Variants in NCOA2 observed in about 807,000 individuals in gnomAD.
NCOA2 encodes nuclear receptor coactivator 2, also known as class E basic helix-loop-helix protein 75.
NCOA2 carries 21 observed loss-of-function variants against 145.1 expected under a neutral mutation model. The ratio of observed to expected loss-of-function variants is 0.14; its 90% CI spans 0.10 to 0.21. The LOEUF (loss-of-function observed/expected upper bound fraction) is 0.21. NCOA2 is among the 10% of genes least tolerant of loss of function. The pLI, the probability that NCOA2 is intolerant of heterozygous loss-of-function variation, is 1.00. For missense variants in NCOA2, 1,472 were observed against 1,837.6 expected (o/e 0.80, Z 3.64); for synonymous variants, 619 against 637.5 (o/e 0.97, Z 0.44).
At chr8:70,191,826 A>G (rs1816719626) in intron 4 of NCOA2, among the ~76,000 whole-genome samples, 1 of 152,176 alleles carries the variant, frequency 6.6e-6, no homozygotes, top group Non-Finnish European at 1.5e-5. Flanking sequence ...GGATCACCTG[A>G]GCTCAGGAGT....
intron 1 of NCOA2, among the ~76,000 whole-genome samples, chr8:70,358,986 T>C (rs1037588963): frequency 1.3e-5 from 2 of 152,154 alleles, no homozygotes; most frequent in African/African-American, 2.4e-5. Flanking sequence ...GTCAACATCA[T>C]TGGTCACTAG....
intron 1 of NCOA2, among the ~76,000 whole-genome samples, chr8:70,323,570 A>T (rs972036403): frequency 6.6e-6 from 1 of 152,170 alleles, no homozygotes; most frequent in African/African-American, 2.4e-5. Flanking sequence ...AAATTTTTTT[A>T]AAAAATAATT....
At chr8:70,174,669 C>T in intron 5 of NCOA2, 87 bp downstream of exon 5, 2 of 1,284,888 alleles carry the variant, frequency 1.6e-6, no homozygotes, top group Non-Finnish European at 1.1e-6. Flanking sequence ...GTGGATTCTC[C>T]TTAAATTATA....
chr8:70,378,189 C>G (rs775778515), intron 1 of NCOA2, among the ~76,000 whole-genome samples: 93 of 152,170 alleles, frequency 6.1e-4, no homozygotes, highest in Non-Finnish European at 1.3e-3. Flanking sequence ...TGGCTCACAC[C>G]TAGAATTCTT....
chr8:70,242,331 T>C (rs966703186), intron 2 of NCOA2, among the ~76,000 whole-genome samples: 2 of 152,144 alleles, frequency 1.3e-5, no homozygotes, highest in Non-Finnish European at 2.9e-5. Context: ...AAAACATACA[T>C]AGCAATAACC....
At chr8:70,297,606 T>C (rs941054596) in intron 1 of NCOA2, among the ~76,000 whole-genome samples, 1 of 152,206 alleles carries the variant, frequency 6.6e-6, no homozygotes, top group African/African-American at 2.4e-5. Context: ...ATGCCAGGAT[T>C]ACAGGTGTGA....
intron 1 of NCOA2, among the ~76,000 whole-genome samples, chr8:70,388,994 A>G (rs1812927972): frequency 6.6e-6 from 1 of 152,178 alleles, no homozygotes; most frequent in African/African-American, 2.4e-5. Context: ...CTCCTAAGTG[A>G]CTACTTTTAA....
the NCOA2 span, among the ~76,000 whole-genome samples, chr8:70,452,601 A>G: frequency 6.6e-6 from 1 of 152,176 alleles, no homozygotes; most frequent in Non-Finnish European, 1.5e-5. Flanking sequence ...TTTAGGGATG[A>G]TGAAAATGTT....
chr8:70,137,334 C>T (rs1241156794), intron 15 of NCOA2, among the ~76,000 whole-genome samples: 13 of 152,198 alleles, frequency 8.5e-5, no homozygotes, highest in African/African-American at 1.4e-4. Context: ...TGAGCCACCG[C>T]GTCTAGCTCC....
At chr8:70,442,361 T>C in the NCOA2 span, among the ~76,000 whole-genome samples, 2 of 152,188 alleles carry the variant, frequency 1.3e-5, no homozygotes, top group Admixed American at 1.3e-4. Flanking sequence ...TCTTAGTGTT[T>C]ACTTGGATGT....
intron 1 of NCOA2, among the ~76,000 whole-genome samples, chr8:70,303,923 AG>A (rs1164900516): frequency 6.6e-6 from 1 of 152,108 alleles, no homozygotes; most frequent in African/African-American, 2.4e-5. Context: ...TCAAGTAAAA[AG>A]GCCCCAACAC....
rs1811329064 is a variant in NCOA2 at position 70,148,268 on chromosome 8, C to G, written c.2605+5G>C. On this transcript the variant is annotated splice_donor_5th_base_variant and intron_variant, in intron 12 of 22. Transcript: ENST00000452400. ...TTGGCATAACCAGCCATTTCTCATA[C>G]TCACTGCTCTGTGAAATTCGCAGTG... is the stretch of plus-strand genomic sequence containing the variant. 6.2e-7 allele frequency: 1 copy of G among 1,613,114 alleles called. No individual in the cohort carries two copies. The highest frequency in any genetic ancestry group is 8.5e-7 in the Non-Finnish European group (1 of 1,179,202).
chr8:70,371,148 G>T (rs1228125190), intron 1 of NCOA2, among the ~76,000 whole-genome samples: 2 of 152,080 alleles, frequency 1.3e-5, no homozygotes, highest in Non-Finnish European at 2.9e-5. Context: ...AATCAGCCGG[G>T]CGTGGTGGCA....
chr8:70,419,755 G>A, the NCOA2 span, among the ~76,000 whole-genome samples: 1 of 151,924 alleles, frequency 6.6e-6, no homozygotes, highest in Non-Finnish European at 1.5e-5. Context: ...CTGTTAATCA[G>A]TTTTGTCATT....
chr8:70,245,062 A>G (rs1422624615), intron 2 of NCOA2: 1 of 152,084 alleles, frequency 6.6e-6, no homozygotes, highest in Non-Finnish European at 1.5e-5. Context: ...GCTTCTCTTT[A>G]TCTTCACCAG....
Position 70,156,696 on chromosome 8 carries a change from G to T in NCOA2, c.1669C>A (p.Leu557Ile). Reference protein sequence around the residue: ...SLGSSLASPDLKMGNLQNSPV... With the variant: ...SLGSSLASPDIKMGNLQNSPV... ...GAGTTTTGCAAATTGCCCATTTTTA[G>T]GTCTGGTGAAGCCAACGATGACCCT... is the stretch of plus-strand genomic sequence containing the variant. The change falls in exon 11 of 23, where the codon CTA becomes ATA. Residue 557 changes from leucine (L) to isoleucine (I), a missense_variant. This residue lies in a region of NCOA2 where 953 missense variants were observed against 1,062.1 expected (regional missense o/e 0.90). Coordinates refer to ENST00000452400, the MANE Select transcript of NCOA2 (RefSeq NM_006540.4). 1 of 1,613,968 alleles carries T rather than the reference G, an allele frequency of 6.2e-7. No individual in the cohort carries two copies. Among genetic ancestry groups the T allele is most frequent in the Non-Finnish European group, 8.5e-7 (1 of 1,179,886 alleles).
intron 1 of NCOA2, among the ~76,000 whole-genome samples, chr8:70,319,322 G>T (rs541840582): frequency 1.3e-5 from 2 of 151,718 alleles, no homozygotes; most frequent in Non-Finnish European, 2.9e-5. Flanking sequence ...TGGGCAGGTC[G>T]CTTGAGCCCA....
At chr8:70,438,464 C>A in the NCOA2 span, among the ~76,000 whole-genome samples, 1 of 152,034 alleles carries the variant, frequency 6.6e-6, no homozygotes. Flanking sequence ...ATTATACTGA[C>A]CTCACCAAAG....
At chr8:70,400,755 T>C (rs147126225) in intron 1 of NCOA2, among the ~76,000 whole-genome samples, 3 of 152,330 alleles carry the variant, frequency 2.0e-5, no homozygotes, top group African/African-American at 7.2e-5. Flanking sequence ...GGAATTCTCA[T>C]GGTAAATTTG....
Sources: gnomAD v4.1 joint callset for allele counts (sites outside exome capture counted in the v4.1 genomes callset) on GRCh38, gnomAD v4.1.1 for gene constraint, gnomAD v4.1.1 regional missense constraint, MANE v1.5 for transcripts, NCBI Gene and HGNC (gene_info 2026-07-23, HGNC 2026-07-21) for gene names.